VCAN: variants seen among roughly 807,000 people sequenced by gnomAD.
The protein encoded by VCAN is versican core protein.
A neutral mutation model predicts 245.5 loss-of-function variants in VCAN; 44 were observed. That is an observed-to-expected ratio of 0.18 (90% confidence interval 0.14 to 0.23). VCAN has a LOEUF of 0.23. VCAN is among the 10% of genes least tolerant of loss of function. VCAN has a pLI of 1.00. For missense variants in VCAN, 3,793 were observed against 4,057.9 expected, an observed-to-expected ratio of 0.93 and a Z score of 1.77; for synonymous variants, 1,413 against 1,437.0, an observed-to-expected ratio of 0.98 and a Z score of 0.38.
Position 83,541,603 on chromosome 5 carries a change from A to G in VCAN, c.8600A>G (p.Glu2867Gly), listed in dbSNP as rs1746995597. The G allele has an allele frequency of 6.2e-7, 1 of 1,613,738 alleles. No homozygotes were observed. Among genetic ancestry groups the G allele is most frequent in the African/African-American group, 1.3e-5 (1 of 74,898 alleles). The stretch of plus-strand genomic sequence containing the variant: ...ATGTCCCCACAGGATTCTTTTAAGG[A>G]AATTCATGTAAATATTGAAGCGACT... ...SVMSPQDSFK[E>G]IHVNIEATFK... Residue 2867 changes from glutamate (E) to glycine (G), a missense_variant, in exon 8 of 15, where the codon GAA becomes GGA. By Grantham distance (98) the Glu-to-Gly change is moderately conservative (BLOSUM62 -2). Coordinates refer to ENST00000265077, the MANE Select transcript of VCAN (RefSeq NM_004385.5).
At position 83,542,132 on chromosome 5, in the gene VCAN, G is replaced by A. The variant is rs765626896; in HGVS notation, c.9129G>A (p.Gln3043=). The A allele has an allele frequency of 6.2e-7, 1 of 1,614,052 alleles. No individual in the cohort carries two copies. The highest frequency in any genetic ancestry group is 1.1e-5 in the South Asian group (1 of 91,088). ...CGAGAATTCTTGATTCCAATGATCAGGCAACAGTAAACCCTGTGGAATTTA... is the reference window on the plus strand; with the variant it reads ...CGAGAATTCTTGATTCCAATGATCAAGCAACAGTAAACCCTGTGGAATTTA... The part of the protein sequence containing the change: ...VAARILDSND[Q]ATVNPVEFNT... The change falls in exon 8 of 15, where the codon CAG becomes CAA. Residue 3043 remains glutamine (Q), a synonymous_variant. Coordinates refer to ENST00000265077, the MANE Select transcript of VCAN (RefSeq NM_004385.5).
At chr5:83,569,514 C>T (rs572021061) in intron 12 of VCAN, among the ~76,000 whole-genome samples, 1 of 152,212 alleles carries the variant, frequency 6.6e-6, no homozygotes, top group African/African-American at 2.4e-5. Context: ...AATGAATTTA[C>T]ATTCTACTAG....
rs911397797 is a variant in VCAN, at chr5:83,481,117, A to C, written c.-6-2396A>C. Among the ~76,000 whole-genome samples the C allele has an allele frequency of 2.6e-5, 4 of 152,096 alleles. No individual in the cohort carries two copies. The East Asian group carries it at 7.7e-4, about 29-fold the overall frequency. On this transcript the variant is annotated intron_variant, in intron 1 of 14. Coordinates refer to ENST00000265077, the MANE Select transcript of VCAN (RefSeq NM_004385.5). ...TGGGCTATTTGACAGTGGAGCCCAGACTTTTAAAATTAGGCTTATAAAGAT... is the reference window on the plus strand; with the variant it reads ...TGGGCTATTTGACAGTGGAGCCCAGCCTTTTAAAATTAGGCTTATAAAGAT...
Position 83,542,008 on chromosome 5 carries a change from C to T in VCAN, c.9005C>T (p.Pro3002Leu). The change falls in exon 8 of 15, where the codon CCC (proline) becomes CTC (leucine). Residue 3002 changes from proline (P) to leucine (L), a missense_variant. Transcript: ENST00000265077. ...CTAAGTCCACAGACTTCTGAGAGGC[C>T]CACGCTTTCTTCTTCTCCAGAAATA... The part of the protein sequence containing the change: ...PWLSPQTSER[P>L]TLSSSPEINP... 1 of 1,610,576 alleles carries T rather than the reference C, an allele frequency of 6.2e-7. No individual in the cohort carries two copies. The highest frequency in any genetic ancestry group is 8.5e-7 in the Non-Finnish European group (1 of 1,177,588).
intron 5 of VCAN, among the ~76,000 whole-genome samples, chr5:83,510,066 G>A (rs927494014): frequency 2.0e-5 from 3 of 152,158 alleles, no homozygotes; most frequent in Admixed American, 6.5e-5. Context: ...GAAGGGAGAC[G>A]TTGTGAGAGC....
intron 5 of VCAN, among the ~76,000 whole-genome samples, chr5:83,497,395 T>C (rs1044925695): frequency 1.3e-5 from 2 of 152,100 alleles, no homozygotes; most frequent in African/African-American, 4.8e-5. Flanking sequence ...TCTAGTAGGG[T>C]TCTTTTTCTA....
At chr5:83,487,213 T>G (rs1744822269) in intron 2 of VCAN, among the ~76,000 whole-genome samples, 1 of 152,190 alleles carries the variant, frequency 6.6e-6, no homozygotes, top group Non-Finnish European at 1.5e-5. Context: ...GAGTGATAAA[T>G]TCCCATATTC....
chr5:83,525,964 G>A (rs1195289769), intron 7 of VCAN, among the ~76,000 whole-genome samples: 2 of 151,624 alleles, frequency 1.3e-5, no homozygotes, highest in African/African-American at 2.4e-5. Flanking sequence ...TTTTGCGACG[G>A]AGTCTTGCTC....
chr5:83,511,757 A>G (rs1745667402), intron 5 of VCAN, among the ~76,000 whole-genome samples: 1 of 152,174 alleles, frequency 6.6e-6, no homozygotes, highest in African/African-American at 2.4e-5. Flanking sequence ...TTTCCTTAAA[A>G]AAACAAAAAC....
chr5:83,552,275 AG>A (rs1222030585), intron 10 of VCAN, among the ~76,000 whole-genome samples: 1 of 152,212 alleles, frequency 6.6e-6, no homozygotes, highest in African/African-American at 2.4e-5. Context: ...TTAATTTAGT[AG>A]GGTTGTGTTT....
intron 5 of VCAN, among the ~76,000 whole-genome samples, chr5:83,501,993 AT>A (rs1484742773): frequency 1.3e-5 from 2 of 152,172 alleles, no homozygotes; most frequent in African/African-American, 4.8e-5. Context: ...TTTTCAGAGT[AT>A]AAGTTTTGCA....
intron 7 of VCAN, among the ~76,000 whole-genome samples, chr5:83,530,622 C>T (rs568960923): frequency 2.4e-4 from 36 of 152,018 alleles, no homozygotes; most frequent in Non-Finnish European, 4.7e-4. Flanking sequence ...CTATTTTTGT[C>T]ACTTTAGAAA....
chr5:83,475,899 AT>A (rs1744372401), intron 1 of VCAN, among the ~76,000 whole-genome samples: 1 of 152,144 alleles, frequency 6.6e-6, no homozygotes. Context: ...TTTAAATTGT[AT>A]TTCCTGCTTT....
intron 5 of VCAN, among the ~76,000 whole-genome samples, chr5:83,511,492 C>T (rs545190937): frequency 1.3e-5 from 2 of 152,242 alleles, no homozygotes; most frequent in East Asian, 1.9e-4. Context: ...AGCCCTGTGC[C>T]TGATACGGGA....
chr5:83,571,567 G>A (rs757096926), intron 12 of VCAN, among the ~76,000 whole-genome samples: 9 of 151,972 alleles, frequency 5.9e-5, no homozygotes, highest in East Asian at 3.9e-4. Flanking sequence ...ATATATATAC[G>A]TGTATATATA....
intron 5 of VCAN, among the ~76,000 whole-genome samples, chr5:83,503,917 C>T (rs1745405815): frequency 6.6e-6 from 1 of 152,150 alleles, no homozygotes; most frequent in Non-Finnish European, 1.5e-5. Context: ...CTTTTGAACA[C>T]TTTGGGTCAT....
intron 6 of VCAN, among the ~76,000 whole-genome samples, chr5:83,518,867 G>A (rs1230936667): frequency 1.3e-5 from 2 of 152,236 alleles, no homozygotes; most frequent in Middle Eastern, 6.8e-3. Context: ...TCTCCCCTGA[G>A]ATAATATGCA....
chr5:83,546,616 G>T (rs1747234902), intron 9 of VCAN, among the ~76,000 whole-genome samples: 1 of 151,212 alleles, frequency 6.6e-6, no homozygotes, highest in Non-Finnish European at 1.5e-5. Context: ...AATTAACCGT[G>T]CCTGTAGTCC....
At chr5:83,493,466 A>T in intron 3 of VCAN, 80 bp from the exon 4 acceptor site, 1 of 1,555,656 alleles carries the variant, frequency 6.4e-7, no homozygotes, top group Non-Finnish European at 8.9e-7. Context: ...CTAAGTTGAT[A>T]CATTGCTCCA....
Sources: gnomAD v4.1 joint callset for allele counts (sites outside exome capture counted in the v4.1 genomes callset) on GRCh38, gnomAD v4.1.1 for gene constraint, MANE v1.5 for transcripts, NCBI Gene and HGNC (gene_info 2026-07-23, HGNC 2026-07-21) for gene names.